TMPRSS9: variants seen among roughly 807,000 people sequenced by gnomAD.
TMPRSS9 encodes transmembrane protease serine 9.
A neutral mutation model predicts 111.4 loss-of-function variants in TMPRSS9; 113 were observed. The ratio of observed to expected loss-of-function variants is 1.01; its 90% CI spans 0.87 to 1.19. TMPRSS9 has a LOEUF of 1.19. TMPRSS9 is among the 50% of genes most tolerant of loss of function. The pLI, the probability that TMPRSS9 is intolerant of heterozygous loss-of-function variation, is 0.00. For synonymous variants in TMPRSS9, 805 were observed against 659.1 expected, an observed-to-expected ratio of 1.22 and a Z score of -3.39; for missense variants, 1,803 against 1,513.1, an observed-to-expected ratio of 1.19 and a Z score of -3.18.
chr19:2,374,767 T>C (rs182555110), intron 1 of TMPRSS9, among the ~76,000 whole-genome samples: 1 of 152,132 alleles, frequency 6.6e-6, no homozygotes, highest in East Asian at 1.9e-4. Context: ...TCTGTGGCCT[T>C]GGTGAGGTGG....
At chr19:2,405,604 C>T (rs982389684) in intron 7 of TMPRSS9, 59 bp downstream of exon 8, 14 of 1,435,542 alleles carry the variant, frequency 9.8e-6, no homozygotes, top group Non-Finnish European at 1.3e-5. Flanking sequence ...TGCCTTCCCT[C>T]GTGCACTGGG....
chr19:2,396,989 C>T (rs552389061), intron 2 of TMPRSS9, among the ~76,000 whole-genome samples: 3 of 151,108 alleles, frequency 2.0e-5, no homozygotes, highest in East Asian at 3.9e-4. Flanking sequence ...GGAATGATCT[C>T]GGCTCACTGC....
chr19:2,413,653 G>A lies in TMPRSS9; in HGVS notation c.1255-47G>A, dbSNP rs747237465. The A allele has an allele frequency of 7.7e-6, 12 of 1,559,462 alleles. No homozygotes were observed. In the Admixed American group the frequency reaches 1.9e-4, roughly 24 times the overall value. On this transcript the variant is annotated intron_variant, in intron 9 of 17. Coordinates refer to ENST00000648592, the Ensembl canonical transcript of TMPRSS9. ...TTGGGCCTCGTAGCACTGGTGTCTG[G>A]ACTGGCTGCTGCCGACCCATCCTGA...
intron 13 of TMPRSS9, 134 bp downstream of exon 14, chr19:2,418,272 C>CCCTCCCTCCTTCCCTCCTTTTCCTTT (rs1971305075): frequency 1.4e-6 from 1 of 694,168 alleles, no homozygotes; most frequent in African/African-American, 4.1e-5. Flanking sequence ...CCTTGTCCTT[C>CCCTCCCTCCTTCCCTCCTTTTCCTTT]CCTCCTTTTC....
At chr19:2,411,254 C>G (rs1190720410) in intron 9 of TMPRSS9, among the ~76,000 whole-genome samples, 1 of 114,010 alleles carries the variant, frequency 8.8e-6, no homozygotes, top group African/African-American at 3.4e-5. Flanking sequence ...GAGCTGAGAT[C>G]ACGCCATTGC....
chr19:2,413,452 C>A (rs994707550), intron 9 of TMPRSS9, among the ~76,000 whole-genome samples: 2 of 152,160 alleles, frequency 1.3e-5, no homozygotes, highest in African/African-American at 2.4e-5. Flanking sequence ...ACGTTTTGGC[C>A]TGCCAGAGGT....
At chr19:2,418,114 G>A (rs777801980) in exon 13 of TMPRSS9, 4 of 1,611,958 alleles carry the variant, frequency 2.5e-6, no homozygotes. Context: ...CAGGCTTCCT[G>A]GAAGGCAAAG....
At chr19:2,387,528 G>A (rs1168474391), upstream of TMPRSS9, among the ~76,000 whole-genome samples, 1 of 132,830 alleles carries the variant, frequency 7.5e-6, no homozygotes, top group African/African-American at 4.0e-5. Context: ...AGGAAAGGAA[G>A]GGAAGGGAAA....
At chr19:2,390,382 T>C (rs1238530001) in intron 1 of TMPRSS9, among the ~76,000 whole-genome samples, 3 of 150,098 alleles carry the variant, frequency 2.0e-5, no homozygotes, top group Non-Finnish European at 3.0e-5. Context: ...TAGCTGGGAC[T>C]ACAGGCGCCC....
In TMPRSS9 at chr19:2,422,248, G is replaced by A; in HGVS notation, c.2548+1G>A. The A allele has an allele frequency of 6.7e-7, 1 of 1,502,242 alleles. No individual in the cohort carries two copies. Among genetic ancestry groups the A allele is most frequent in the Non-Finnish European group, 8.8e-7 (1 of 1,129,952 alleles). The allele number at this position is 1,502,242 out of a possible 1,614,324, so 93.1% of individuals were successfully genotyped here. A position where few individuals can be genotyped will look rare whatever the true frequency, so the allele number is the denominator to read the frequency against. ...GCCACCACACACACCCAGCTACCAG[G>A]TACCGGGAGAGACGGAGGGATCCCT... is the stretch of plus-strand genomic sequence containing the variant. On this transcript the variant is annotated splice_donor_variant, in intron 14 of 17. Transcript: ENST00000648592. LOFTEE classifies it high-confidence loss of function.
chr19:2,385,263 C>T (rs570941786), upstream of TMPRSS9, among the ~76,000 whole-genome samples: 6 of 151,830 alleles, frequency 4.0e-5, no homozygotes, highest in African/African-American at 9.7e-5. Flanking sequence ...AGGAGGGATC[C>T]CAGTGCTCCC....
At chr19:2,421,023 G>A (rs1376711268) in intron 13 of TMPRSS9, among the ~76,000 whole-genome samples, 1 of 152,006 alleles carries the variant, frequency 6.6e-6, no homozygotes, top group Non-Finnish European at 1.5e-5. Flanking sequence ...TGGCCGACGT[G>A]GTGAAGCCCC....
At chr19:2,413,386 A>T (rs1971140641) in intron 9 of TMPRSS9, among the ~76,000 whole-genome samples, 1 of 152,168 alleles carries the variant, frequency 6.6e-6, no homozygotes, top group Non-Finnish European at 1.5e-5. Flanking sequence ...GCAAGTGGTG[A>T]CATTATCAAA....
chr19:2,414,362 C>T (rs1215983479), intron 10 of TMPRSS9, among the ~76,000 whole-genome samples: 1 of 151,870 alleles, frequency 6.6e-6, no homozygotes, highest in Non-Finnish European at 1.5e-5. Context: ...GCCTCAGCCT[C>T]CTGAACAGCC....
At chr19:2,403,171 G>T (rs558475642) in exon 6 of TMPRSS9, 60 of 1,610,686 alleles carry the variant, frequency 3.7e-5, no homozygotes, top group African/African-American at 5.3e-5. Context: ...GGACTGCTCC[G>T]ATGGGTCCGA....
chr19:2,425,113 C>T (rs1470108475), exon 16 of TMPRSS9: 2 of 1,583,862 alleles, frequency 1.3e-6, no homozygotes, highest in South Asian at 1.1e-5. Flanking sequence ...TCTACAATCT[C>T]TACACGCTCG....
intron 1 of TMPRSS9, among the ~76,000 whole-genome samples, chr19:2,390,964 C>T (rs924963809): frequency 2.0e-5 from 3 of 150,196 alleles, no homozygotes; most frequent in African/African-American, 4.9e-5. Context: ...GTCAGGAGTT[C>T]GAGACCACCC....
chr19:2,378,436 A>C (rs566708771), intron 1 of TMPRSS9, among the ~76,000 whole-genome samples: 17 of 152,212 alleles, frequency 1.1e-4, no homozygotes, highest in African/African-American at 2.9e-4. Flanking sequence ...AAGCATACCC[A>C]AGGCTGGGTG....
upstream of TMPRSS9, among the ~76,000 whole-genome samples, chr19:2,388,525 C>A (rs562842354): frequency 3.3e-5 from 5 of 152,210 alleles, no homozygotes; most frequent in Non-Finnish European, 7.3e-5. Flanking sequence ...CTGGAGCCCC[C>A]AGAAGGGCCC....
Sources: allele counts gnomAD v4.1 joint callset (sites outside exome capture counted in the v4.1 genomes callset), GRCh38; gene constraint gnomAD v4.1.1; transcripts MANE v1.5; gene names NCBI Gene and HGNC (gene_info 2026-07-23, HGNC 2026-07-21).